Variants in KAZN observed in about 807,000 individuals in gnomAD.
KAZN encodes the protein kazrin.
In KAZN, 40 loss-of-function variants were observed where a neutral mutation model predicts 87.4. That is an observed-to-expected ratio of 0.46 (90% CI 0.36 to 0.60). The LOEUF (loss-of-function observed/expected upper bound fraction) is 0.60, where lower values mean the gene tolerates loss of function less well. KAZN is among the 20% of genes least tolerant of loss of function. The probability of loss-of-function intolerance (pLI) is 0.00; values close to 1 mark genes in which losing one functional copy is unlikely to be tolerated. For synonymous variants in KAZN, 466 were observed against 458.3 expected (o/e 1.02, Z -0.22); for missense variants, 898 against 1,073.9 (o/e 0.84, Z 2.29).
intron 2 of KAZN, among the ~76,000 whole-genome samples, chr1:14,519,840 A>G (rs1311939117): frequency 3.3e-5 from 5 of 152,064 alleles, no homozygotes; most frequent in African/African-American, 1.2e-4. Flanking sequence ...TGTCTGAGCT[A>G]GAAGTGGATA....
chr1:14,199,937 T>C (rs1472786431), intron 2 of KAZN, among the ~76,000 whole-genome samples: 1 of 151,996 alleles, frequency 6.6e-6, no homozygotes, highest in Non-Finnish European at 1.5e-5. Context: ...TGCTTGGCCT[T>C]ACTCTTAGAA....
intron 2 of KAZN, among the ~76,000 whole-genome samples, chr1:14,542,447 TAAAAA>T (rs925722846): frequency 2.0e-5 from 3 of 150,258 alleles, no homozygotes; most frequent in African/African-American, 4.9e-5. Flanking sequence ...AGTGTAATAA[TAAAAA>T]AAAAGAACTA....
At chr1:15,032,149 G>T (rs1671777853) in intron 2 of KAZN, among the ~76,000 whole-genome samples, 1 of 139,244 alleles carries the variant, frequency 7.2e-6, no homozygotes, top group Admixed American at 7.2e-5. Context: ...TCTCCTTTCT[G>T]TCTCTATAGA....
intron 1 of KAZN, among the ~76,000 whole-genome samples, chr1:14,026,829 G>T (rs1168292471): frequency 1.3e-5 from 2 of 152,186 alleles, no homozygotes; most frequent in Admixed American, 6.6e-5. Flanking sequence ...GGAATTCATG[G>T]TGAAATTGCA....
intron 1 of KAZN, among the ~76,000 whole-genome samples, chr1:14,035,388 T>C (rs935531542): frequency 2.0e-5 from 3 of 152,004 alleles, no homozygotes; most frequent in African/African-American, 7.2e-5. Context: ...TGGGGACATA[T>C]AGCTAAAGAT....
intron 1 of KAZN, among the ~76,000 whole-genome samples, chr1:14,905,866 T>TAATAATAATAAG (rs1656481846): frequency 1.4e-5 from 2 of 138,298 alleles, no homozygotes; most frequent in Non-Finnish European, 1.5e-5. Context: ...ATAATAATAA[T>TAATAATAATAAG]AATAATAATG....
At chr1:14,437,838 G>A (rs1666486600) in intron 2 of KAZN, among the ~76,000 whole-genome samples, 1 of 152,154 alleles carries the variant, frequency 6.6e-6, no homozygotes, top group African/African-American at 2.4e-5. Flanking sequence ...AAAGAGGGCA[G>A]CATTTGAAGT....
intron 2 of KAZN, among the ~76,000 whole-genome samples, chr1:14,489,111 C>T (rs1266781879): frequency 3.3e-5 from 5 of 152,090 alleles, no homozygotes; most frequent in African/African-American, 7.2e-5. Context: ...TTGTTGTTTT[C>T]GTCTTTTTAA....
At chr1:14,940,308 T>G (rs1660906341) in intron 1 of KAZN, among the ~76,000 whole-genome samples, 1 of 152,190 alleles carries the variant, frequency 6.6e-6, no homozygotes, top group African/African-American at 2.4e-5. Context: ...CCCCTACAAT[T>G]TTTGATTCGT....
At chr1:14,609,088 C>G (rs1030262163) in intron 1 of KAZN, among the ~76,000 whole-genome samples, 6 of 152,172 alleles carry the variant, frequency 3.9e-5, no homozygotes, top group Non-Finnish European at 5.9e-5. Flanking sequence ...CTTGGGGAAA[C>G]ATGACCTGGA....
At chr1:14,582,723 C>G (rs1448159504) in intron 2 of KAZN, among the ~76,000 whole-genome samples, 1 of 152,114 alleles carries the variant, frequency 6.6e-6, no homozygotes, top group Non-Finnish European at 1.5e-5. Flanking sequence ...GTGAACTGGT[C>G]TCCAAGGTTG....
intron 4 of KAZN, among the ~76,000 whole-genome samples, chr1:15,051,762 C>G (rs1674431877): frequency 6.6e-6 from 1 of 152,218 alleles, no homozygotes; most frequent in South Asian, 2.1e-4. Context: ...CTGGCCACCT[C>G]ATCACACAAC....
chr1:14,744,060 A>G lies in KAZN; in HGVS notation c.226+144837A>G, dbSNP rs374167709. Among the ~76,000 whole-genome samples the G allele has an allele frequency of 9.3e-4, 142 of 152,306 alleles. 5 individuals are homozygous for G. In the South Asian group the frequency reaches 0.028, roughly 30 times the overall value. On this transcript the variant is annotated intron_variant, in intron 1 of 14. Coordinates refer to ENST00000376030, the MANE Select transcript of KAZN (RefSeq NM_201628.3). ...TCAAGAGAAACTAGGAGCCACTCCAATGACAGAACATTGCTTGTTGAGGGG... is the reference window on the plus strand; with the variant it reads ...TCAAGAGAAACTAGGAGCCACTCCAGTGACAGAACATTGCTTGTTGAGGGG...
chr1:14,429,845 C>T (rs888155284), intron 2 of KAZN, among the ~76,000 whole-genome samples: 1 of 152,108 alleles, frequency 6.6e-6, no homozygotes, highest in Non-Finnish European at 1.5e-5. Context: ...GAACTGACTT[C>T]CCAAGTTCTT....
At chr1:14,830,471 G>A (rs566586647) in intron 1 of KAZN, among the ~76,000 whole-genome samples, 57 of 152,266 alleles carry the variant, frequency 3.7e-4, no homozygotes, top group South Asian at 1.5e-3. Context: ...GAGAAGGGGC[G>A]TATTAGTCCA....
intron 1 of KAZN, among the ~76,000 whole-genome samples, chr1:14,672,018 G>A (rs1178151086): frequency 1.3e-5 from 2 of 152,172 alleles, no homozygotes; most frequent in Non-Finnish European, 2.9e-5. Context: ...TTACTTTAGA[G>A]CTTCTGCACA....
intron 1 of KAZN, among the ~76,000 whole-genome samples, chr1:14,810,267 C>T (rs1047835135): frequency 1.9e-4 from 29 of 152,084 alleles, no homozygotes; most frequent in African/African-American, 5.1e-4. Flanking sequence ...AAGGGAGCAC[C>T]GCACCCCCAT....
At chr1:14,185,693 C>G (rs945335306) in intron 2 of KAZN, among the ~76,000 whole-genome samples, 2 of 152,204 alleles carry the variant, frequency 1.3e-5, no homozygotes, top group Non-Finnish European at 2.9e-5. Context: ...CTTTAAGCCA[C>G]AGGCATTGCC....
chr1:14,791,574 C>A (rs1645675450), intron 1 of KAZN, among the ~76,000 whole-genome samples: 1 of 152,200 alleles, frequency 6.6e-6, no homozygotes, highest in Non-Finnish European at 1.5e-5. Flanking sequence ...TGCCTCTGGC[C>A]TCCCTGTCAC....
Sources: allele counts gnomAD v4.1 joint callset (sites outside exome capture counted in the v4.1 genomes callset), GRCh38; gene constraint gnomAD v4.1.1; transcripts MANE v1.5; gene names NCBI Gene and HGNC (gene_info 2026-07-23, HGNC 2026-07-21).